IMPG2: variants seen among roughly 807,000 people sequenced by gnomAD.
IMPG2 encodes the protein interphotoreceptor matrix proteoglycan 2.
In IMPG2, 91 loss-of-function variants were observed where a neutral mutation model predicts 129.2. The ratio of observed to expected loss-of-function variants is 0.70; its 90% CI spans 0.59 to 0.84. The LOEUF is 0.84. Among genes scored for constraint, IMPG2 ranks in the 40% least tolerant of loss-of-function variants. IMPG2 has a pLI of 0.00. For missense variants in IMPG2, 1,430 were observed against 1,461.7 expected, an observed-to-expected ratio of 0.98 and a Z score of 0.35; for synonymous variants, 510 against 517.7, an observed-to-expected ratio of 0.99 and a Z score of 0.20.
intron 9 of IMPG2, 24 bp downstream of exon 9, chr3:101,267,487 A>C: frequency 6.2e-7 from 1 of 1,604,334 alleles, no homozygotes; most frequent in African/African-American, 1.3e-5. Context: ...TTCAATGGAC[A>C]TTAGAGAAAG....
In IMPG2 at chr3:101,304,293, C is replaced by G; in HGVS notation, c.354G>C (p.Trp118Cys). The G allele has an allele frequency of 6.2e-7, 1 of 1,613,790 alleles. No individual in the cohort carries two copies. Among genetic ancestry groups the G allele is most frequent in the Non-Finnish European group, 8.5e-7 (1 of 1,179,708 alleles). Residue 118 changes from tryptophan (W) to cysteine (C), a missense_variant, in exon 3 of 19, where the codon TGG (tryptophan) becomes TGC (cysteine). Transcript: ENST00000193391. ...FKVRVCQEAV[W>C]EAFRTFWDRL... The stretch of plus-strand genomic sequence containing the variant: ...GATCCCAAAAAGTCCTGAAGGCTTC[C>G]CAGACAGCTTCCTGACACACTAGAA...
At chr3:101,287,881 A>G (rs1290348911) in intron 4 of IMPG2, among the ~76,000 whole-genome samples, 1 of 152,176 alleles carries the variant, frequency 6.6e-6, no homozygotes, top group Non-Finnish European at 1.5e-5. Flanking sequence ...AAAAACAAAA[A>G]TTGACAAGTG....
Position 101,243,599 on chromosome 3 carries a change from A to T in IMPG2, c.2732T>A (p.Met911Lys). 6.2e-7 allele frequency: 1 copy of T among 1,613,912 alleles called. No homozygotes were observed. Among genetic ancestry groups the T allele is most frequent in the Non-Finnish European group, 8.5e-7 (1 of 1,179,926 alleles). The change falls in exon 13 of 19, where the codon ATG (methionine) becomes AAG (lysine). Residue 911 changes from methionine to lysine, a missense_variant. Met to Lys is a moderately conservative substitution (Grantham distance 95, BLOSUM62 -1). Coordinates refer to ENST00000193391, the MANE Select transcript of IMPG2 (RefSeq NM_016247.4). ...TTTATTAAACAGATCTTCTGAAAAC[A>T]TCATGTTAGTCACTCGGAGGCTGAA... ...VFFSLRVTNM[M>K]FSEDLFNKNS...
intron 10 of IMPG2, among the ~76,000 whole-genome samples, chr3:101,255,809 A>G (rs1340311367): frequency 3.9e-5 from 6 of 152,180 alleles, no homozygotes; most frequent in African/African-American, 1.4e-4. Flanking sequence ...ACAAAGAAGT[A>G]TATAAGGAAG....
At chr3:101,264,973 A>G (rs181820046) in intron 9 of IMPG2, among the ~76,000 whole-genome samples, 39 of 152,136 alleles carry the variant, frequency 2.6e-4, no homozygotes, top group Admixed American at 7.9e-4. Flanking sequence ...AAATACGTAA[A>G]AATAAATTTA....
At position 101,243,620 on chromosome 3, in the gene IMPG2, C is replaced by T; in HGVS notation, c.2711G>A (p.Ser904Asn). 6.2e-7 allele frequency: 1 copy of T among 1,613,910 alleles called. No individual in the cohort carries two copies. Among genetic ancestry groups the T allele is most frequent in the Non-Finnish European group, 8.5e-7 (1 of 1,179,964 alleles). The change falls in exon 13 of 19, where the codon AGC becomes AAC. Residue 904 changes from serine (S) to asparagine (N), a missense_variant. Coordinates refer to ENST00000193391, the MANE Select transcript of IMPG2 (RefSeq NM_016247.4). ...AAACATCATGTTAGTCACTCGGAGGCTGAAGAAAACCACCAAAGCTCCTGA... is the reference window on the plus strand; with the variant it reads ...AAACATCATGTTAGTCACTCGGAGGTTGAAGAAAACCACCAAAGCTCCTGA... The part of the protein sequence containing the change: ...QTSGALVVFF[S>N]LRVTNMMFSE...
intron 9 of IMPG2, among the ~76,000 whole-genome samples, chr3:101,260,206 A>C (rs1288959177): frequency 1.3e-5 from 2 of 152,108 alleles, no homozygotes; most frequent in Non-Finnish European, 2.9e-5. Context: ...GAGTGACTAC[A>C]ATACTGTTTT....
intron 18 of IMPG2, chr3:101,227,842 A>G (rs766316175): frequency 2.2e-6 from 1 of 456,126 alleles, no homozygotes; most frequent in Non-Finnish European, 4.4e-6. Context: ...TTACAGAGGA[A>G]CCACGAGCAA....
At chr3:101,257,177 C>A (rs1434760968) in intron 10 of IMPG2, among the ~76,000 whole-genome samples, 4 of 152,044 alleles carry the variant, frequency 2.6e-5, no homozygotes, top group Non-Finnish European at 5.9e-5. Context: ...TACTAGCTGA[C>A]TTACCTCAGA....
intron 2 of IMPG2, among the ~76,000 whole-genome samples, chr3:101,309,940 C>G (rs1352193433): frequency 6.6e-6 from 1 of 152,160 alleles, no homozygotes; most frequent in Non-Finnish European, 1.5e-5. Context: ...ACATACTATT[C>G]TATTTATATA....
intron 11 of IMPG2, among the ~76,000 whole-genome samples, chr3:101,249,262 G>A (rs7648062): frequency 0.039 from 5,910 of 152,212 alleles, 397 homozygotes; most frequent in African/African-American, 0.13. Context: ...TGTTACTGTT[G>A]AGACCCTGGA....
intron 14 of IMPG2, among the ~76,000 whole-genome samples, chr3:101,234,405 A>T (rs1472755763): frequency 6.6e-6 from 1 of 152,032 alleles, no homozygotes; most frequent in Non-Finnish European, 1.5e-5. Context: ...GGGCCTGGCC[A>T]ACATTTTGAT....
chr3:101,268,059 A>T (rs1468137496), intron 8 of IMPG2, among the ~76,000 whole-genome samples: 2 of 152,238 alleles, frequency 1.3e-5, no homozygotes, highest in African/African-American at 4.8e-5. Context: ...AAATTGATTT[A>T]ATCTTCATTA....
At position 101,226,931 on chromosome 3, in the gene IMPG2, C is replaced by T; in HGVS notation, c.*38G>A. ...ATAAGTAACAAGTAATCTCCATCTTCTCCAGGCTTCTAATCAGTTTCAGAA... is the reference window on the plus strand; with the variant it reads ...ATAAGTAACAAGTAATCTCCATCTTTTCCAGGCTTCTAATCAGTTTCAGAA... On this transcript the variant is annotated 3_prime_UTR_variant, in exon 19 of 19. Transcript: ENST00000193391. The T allele has an allele frequency of 1.2e-6, 2 of 1,605,950 alleles. No homozygotes were observed. Among genetic ancestry groups the T allele is most frequent in the South Asian group, 1.1e-5 (1 of 90,856 alleles).
At chr3:101,247,618 G>A (rs1706496915) in intron 11 of IMPG2, among the ~76,000 whole-genome samples, 1 of 151,902 alleles carries the variant, frequency 6.6e-6, no homozygotes, top group African/African-American at 2.4e-5. Context: ...AAAAAAAGTA[G>A]GTATTTGAAT....
At chr3:101,238,293 T>A (rs1214223989) in intron 14 of IMPG2, among the ~76,000 whole-genome samples, 1 of 152,100 alleles carries the variant, frequency 6.6e-6, no homozygotes, top group Non-Finnish European at 1.5e-5. Flanking sequence ...TGGAAAACAG[T>A]CTGCAGGATA....
intron 4 of IMPG2, among the ~76,000 whole-genome samples, chr3:101,285,206 G>C (rs1435633071): frequency 2.0e-5 from 3 of 152,156 alleles, no homozygotes; most frequent in Non-Finnish European, 4.4e-5. Context: ...CATCTCATAA[G>C]AGGTCAGGGA....
In IMPG2 at chr3:101,242,776, C is replaced by T. The variant is rs1180066099; in HGVS notation, c.2934G>A (p.Ala978=). 26 of 1,613,800 alleles carry T rather than the reference C, an allele frequency of 1.6e-5. No homozygotes were observed. The highest frequency in any genetic ancestry group is 2.1e-5 in the Non-Finnish European group (25 of 1,179,888). The part of the protein sequence containing the change: ...ANSVPPNVNN[A]VYMILEDFCT... The stretch of plus-strand genomic sequence containing the variant: ...AAAAGTCTTCCAGAATCATGTACAC[C>T]GCATTGTTGACGTTAGGAGGGACAG... The change falls in exon 14 of 19, where the codon GCG becomes GCA. Residue 978 remains alanine, a synonymous_variant. Coordinates refer to ENST00000193391, the MANE Select transcript of IMPG2 (RefSeq NM_016247.4).
At chr3:101,233,663 T>C (rs139008242) in intron 14 of IMPG2, among the ~76,000 whole-genome samples, 1 of 152,154 alleles carries the variant, frequency 6.6e-6, no homozygotes, top group Non-Finnish European at 1.5e-5. Context: ...TGAATTAGGA[T>C]AGTAATCAGT....
Sources: allele counts gnomAD v4.1 joint callset (sites outside exome capture counted in the v4.1 genomes callset), GRCh38; gene constraint gnomAD v4.1.1; transcripts MANE v1.5; gene names NCBI Gene and HGNC (gene_info 2026-07-23, HGNC 2026-07-21).